The following NRG1 variants were observed in gnomAD, a reference collection of about 807,000 sequenced individuals.
The protein encoded by NRG1 is pro-neuregulin-1, membrane-bound isoform.
Under a neutral mutation model 63.8 loss-of-function variants are expected in NRG1, and 18 were observed. The observed-to-expected ratio is 0.28, with a 90% CI of 0.19 to 0.42. The LOEUF is 0.42. Among genes scored for constraint, NRG1 ranks in the 10% least tolerant of loss-of-function variants. The pLI, the probability that NRG1 is intolerant of heterozygous loss-of-function variation, is 1.00. For missense variants in NRG1, 762 were observed against 814.7 expected (o/e 0.94, Z 0.79); for synonymous variants, 302 against 301.3 (o/e 1.00, Z -0.02).
At chr8:32,590,766 T>C (rs1015751024) in intron 1 of NRG1, among the ~76,000 whole-genome samples, 5 of 152,072 alleles carry the variant, frequency 3.3e-5, no homozygotes, top group African/African-American at 1.2e-4. Flanking sequence ...ATATAATCTC[T>C]GACAAAAAGA....
chr8:31,867,146 G>C (rs1254265187), intron 1 of NRG1, among the ~76,000 whole-genome samples: 1 of 152,062 alleles, frequency 6.6e-6, no homozygotes, highest in Non-Finnish European at 1.5e-5. Context: ...CACTTAATAA[G>C]AAAGATGTTT....
At chr8:32,444,033 CCT>C (rs1819918843) in intron 1 of NRG1, among the ~76,000 whole-genome samples, 1 of 150,118 alleles carries the variant, frequency 6.7e-6, no homozygotes, top group Non-Finnish European at 1.5e-5. Flanking sequence ...TCTTTTCCTT[CCT>C]TCCTTCCTTT....
intron 1 of NRG1, among the ~76,000 whole-genome samples, chr8:32,073,170 T>C (rs4733292): frequency 0.98 from 148,644 of 152,252 alleles, 72,661 homozygotes; most frequent in Non-Finnish European, 1. Flanking sequence ...TCCTGCCCTT[T>C]GGGTGTTCCG....
At chr8:31,667,080 C>T (rs970752632) in intron 1 of NRG1, among the ~76,000 whole-genome samples, 3 of 152,212 alleles carry the variant, frequency 2.0e-5, no homozygotes, top group African/African-American at 7.2e-5. Context: ...ACCGAATACT[C>T]TGGGAGACAA....
intron 1 of NRG1, among the ~76,000 whole-genome samples, chr8:32,318,632 A>G (rs1801034403): frequency 2.0e-5 from 3 of 152,134 alleles, no homozygotes; most frequent in African/African-American, 7.2e-5. Flanking sequence ...ATCCTAATAC[A>G]TTTATATATT....
At chr8:31,696,407 G>T (rs1174049324) in intron 1 of NRG1, among the ~76,000 whole-genome samples, 1 of 152,196 alleles carries the variant, frequency 6.6e-6, no homozygotes, top group Non-Finnish European at 1.5e-5. Context: ...TGCTGGTTCA[G>T]AGGATATATC....
At chr8:32,585,021 A>G (rs867433792) in intron 1 of NRG1, among the ~76,000 whole-genome samples, 1 of 152,346 alleles carries the variant, frequency 6.6e-6, no homozygotes, top group African/African-American at 2.4e-5. Flanking sequence ...AAAGACAAAT[A>G]TTAACATATC....
intron 1 of NRG1, among the ~76,000 whole-genome samples, chr8:32,324,902 T>A (rs1801818317): frequency 6.6e-6 from 1 of 152,140 alleles, no homozygotes; most frequent in Admixed American, 6.5e-5. Flanking sequence ...TCTACATAAA[T>A]CTCTCTGTGC....
At chr8:32,714,013 C>T (rs1256719176) in intron 5 of NRG1, among the ~76,000 whole-genome samples, 5 of 151,894 alleles carry the variant, frequency 3.3e-5, no homozygotes, top group South Asian at 4.2e-4. Context: ...TTGGTAGAGA[C>T]GGGGTTTCAC....
chr8:32,690,739 T>C (rs1811375840), intron 5 of NRG1, among the ~76,000 whole-genome samples: 1 of 151,936 alleles, frequency 6.6e-6, no homozygotes, highest in Middle Eastern at 3.4e-3. Context: ...CTTTTGAATA[T>C]CAACAGTAAC....
At position 31,774,891 on chromosome 8, in the gene NRG1, A is replaced by G. The variant is rs113573905; in HGVS notation, c.37+135460A>G. 5.3e-4 allele frequency among the ~76,000 whole-genome samples: 80 copies of G among 152,330 alleles called. 1 individual carries two copies. Among genetic ancestry groups the G allele is most frequent in the African/African-American group, 1.9e-3 (80 of 41,582 alleles). On this transcript the variant is annotated intron_variant, in intron 1 of 10. Transcript: ENST00000519301. ...AAACCACAATGCAATACCATTTTAT[A>G]CCAGTCAGAATAGTTATTATTAAAA...
intron 1 of NRG1, among the ~76,000 whole-genome samples, chr8:32,159,742 G>A (rs1238412933): frequency 6.6e-6 from 1 of 151,962 alleles, no homozygotes. Flanking sequence ...TGGGAAGGAG[G>A]TAAATTAATC....
At chr8:31,705,901 T>C in intron 1 of NRG1, among the ~76,000 whole-genome samples, 1 of 152,220 alleles carries the variant, frequency 6.6e-6, no homozygotes, top group East Asian at 1.9e-4. Context: ...TATGAGCTTC[T>C]GGGAACAATG....
At chr8:32,453,902 C>T (rs1821288363) in intron 1 of NRG1, among the ~76,000 whole-genome samples, 1 of 152,196 alleles carries the variant, frequency 6.6e-6, no homozygotes, top group Admixed American at 6.5e-5. Context: ...AGAGAAACTC[C>T]CTGTGTTCTT....
At position 31,813,516 on chromosome 8, in the gene NRG1, CTTTTTTT is replaced by C. The variant is rs377718067; in HGVS notation, c.37+174096_37+174102del. Reference sequence around the variant, plus strand: ...ATTTTCTTTTCTTTTCTTTTCTTTTCTTTTTTTTTTTTTTTTTGTTTTTTGAGACAGG... The same window carrying C: ...ATTTTCTTTTCTTTTCTTTTCTTTTCTTTTTTTTTTGTTTTTTGAGACAGG... On this transcript the variant is annotated intron_variant, in intron 1 of 10. Coordinates refer to the NRG1 transcript ENST00000519301. Among the ~76,000 whole-genome samples, 43 of 101,216 alleles carry C rather than the reference CTTTTTTT, an allele frequency of 4.2e-4. 1 individual carries two copies. The highest frequency in any genetic ancestry group is 1.8e-3 in the Admixed American group (16 of 9,082). The allele number at this position is 101,216 out of a possible 152,430, so 66.4% of individuals were successfully genotyped here.
chr8:32,074,277 T>C (rs1826175710), intron 1 of NRG1, among the ~76,000 whole-genome samples: 1 of 152,186 alleles, frequency 6.6e-6, no homozygotes, highest in African/African-American at 2.4e-5. Flanking sequence ...AGCTGTCACC[T>C]CTTGCTGCTG....
At chr8:32,323,063 A>C (rs984408153) in intron 1 of NRG1, among the ~76,000 whole-genome samples, 1 of 152,054 alleles carries the variant, frequency 6.6e-6, no homozygotes, top group Non-Finnish European at 1.5e-5. Flanking sequence ...CCGTGAGAGT[A>C]AGGTCATTAT....
chr8:32,754,705 C>T (rs1365134192), intron 8 of NRG1, among the ~76,000 whole-genome samples: 1 of 152,016 alleles, frequency 6.6e-6, no homozygotes, highest in African/African-American at 2.4e-5. Flanking sequence ...GACCACAGCC[C>T]CTGAGTGGAT....
At chr8:31,801,345 T>G (rs112449242) in intron 1 of NRG1, among the ~76,000 whole-genome samples, 1 of 152,354 alleles carries the variant, frequency 6.6e-6, no homozygotes, top group South Asian at 2.1e-4. Context: ...TTCATGAAGT[T>G]AGCGTCTTTC....
Sources: gnomAD v4.1 joint callset for allele counts (sites outside exome capture counted in the v4.1 genomes callset) on GRCh38, gnomAD v4.1.1 for gene constraint, MANE v1.5 for transcripts, NCBI Gene and HGNC (gene_info 2026-07-23, HGNC 2026-07-21) for gene names.